CANX: variants seen among roughly 807,000 people sequenced by gnomAD.
CANX encodes epididymis secretory sperm binding protein.
A neutral mutation model predicts 75.7 loss-of-function variants in CANX; 14 were observed. That is an observed-to-expected ratio of 0.19 (90% CI 0.12 to 0.29). CANX has a LOEUF of 0.29. CANX is among the 10% of genes least tolerant of loss of function. The probability of loss-of-function intolerance (pLI) is 1.00; values close to 1 mark genes in which losing one functional copy is unlikely to be tolerated. For missense variants in CANX, 567 were observed against 713.2 expected (o/e 0.79, Z 2.34); for synonymous variants, 227 against 236.9 (o/e 0.96, Z 0.38).
At chr5:179,693,622 G>A (rs920106870), upstream of CANX, among the ~76,000 whole-genome samples, 9 of 151,868 alleles carry the variant, frequency 5.9e-5, no homozygotes, top group Non-Finnish European at 8.8e-5. Flanking sequence ...GCAGTGAGCC[G>A]AGATTGTACA....
chr5:179,722,717 C>T, intron 10 of CANX, 87 bp from the exon 11 acceptor site: 1 of 802,886 alleles, frequency 1.2e-6, no homozygotes, highest in Non-Finnish European at 2.0e-6. Flanking sequence ...CTCCATTGTT[C>T]ATGCAAAATT....
At chr5:179,705,388 G>A (rs542987901) in intron 1 of CANX, among the ~76,000 whole-genome samples, 1 of 152,304 alleles carries the variant, frequency 6.6e-6, no homozygotes, top group African/African-American at 2.4e-5. Context: ...AAAGTTTGTT[G>A]GAAATTGTAT....
chr5:179,711,417 G>A (rs971887707), intron 7 of CANX, among the ~76,000 whole-genome samples: 4 of 152,026 alleles, frequency 2.6e-5, no homozygotes, highest in Admixed American at 2.6e-4. Context: ...GTGAGATGCT[G>A]TCTCAAAAAA....
rs765385174 is a variant in CANX at position 179,731,051 on chromosome 5, G to A, written c.*2407G>A. On this transcript the variant is annotated 3_prime_UTR_variant, in exon 15 of 15. Coordinates refer to ENST00000247461, the MANE Select transcript of CANX (RefSeq NM_001746.4). ...TCACTACTAGGCAGAAACTATTATG[G>A]ACAGTGAAATAATGACTTTTATCTC... 3.3e-5 allele frequency: 5 copies of A among 152,192 alleles called. No individual in the cohort carries two copies. The highest frequency in any genetic ancestry group is 2.0e-4 in the Admixed American group (3 of 15,280). 9.4% of individuals were successfully genotyped at this position (152,192 alleles called of 1,614,324 possible). A position where few individuals can be genotyped will look rare whatever the true frequency, so the allele number is the denominator to read the frequency against.
chr5:179,721,537 G>A (rs1778312604), intron 10 of CANX, among the ~76,000 whole-genome samples: 1 of 152,190 alleles, frequency 6.6e-6, no homozygotes, highest in Admixed American at 6.6e-5. Context: ...TGATGTGGTG[G>A]GTAGAGGACT....
At chr5:179,704,672 C>T (rs1040043918) in intron 1 of CANX, among the ~76,000 whole-genome samples, 1 of 151,958 alleles carries the variant, frequency 6.6e-6, no homozygotes, top group Non-Finnish European at 1.5e-5. Context: ...CCTGTCTATA[C>T]TAAAAGTACA....
intron 1 of CANX, among the ~76,000 whole-genome samples, chr5:179,692,651 C>T (rs1336355864): frequency 6.6e-6 from 1 of 152,054 alleles, no homozygotes; most frequent in Non-Finnish European, 1.5e-5. Context: ...CCTCAGCCTC[C>T]TGAGTAGCTG....
intron 1 of CANX, among the ~76,000 whole-genome samples, chr5:179,703,324 TCTC>T (rs1242249972): frequency 6.6e-6 from 1 of 151,452 alleles, no homozygotes; most frequent in East Asian, 1.9e-4. Flanking sequence ...TTCAAGCGAT[TCTC>T]CTCCCTCAGC....
upstream of CANX, among the ~76,000 whole-genome samples, chr5:179,697,190 A>C (rs1348988150): frequency 2.0e-5 from 3 of 152,006 alleles, no homozygotes; most frequent in Non-Finnish European, 2.9e-5. Context: ...TCTTCCTAGT[A>C]TCTGGGTCTA....
intron 14 of CANX, 23 bp from the exon 15 acceptor site, chr5:179,728,568 A>G (rs1272232949): frequency 4.2e-6 from 6 of 1,422,256 alleles, no homozygotes; most frequent in South Asian, 2.3e-5. Context: ...GCTAATTATA[A>G]TGAATTTCTT....
chr5:179,724,953 G>A (rs942015750), intron 13 of CANX, among the ~76,000 whole-genome samples, 170 bp downstream of exon 13: 5 of 152,054 alleles, frequency 3.3e-5, no homozygotes, highest in Non-Finnish European at 5.9e-5. Flanking sequence ...GGAGTTTAAG[G>A]CTGTAGTCAG....
chr5:179,679,178 G>A (rs1028887613), intron 1 of CANX: 1 of 1,535,140 alleles, frequency 6.5e-7, no homozygotes, highest in Non-Finnish European at 8.7e-7. Context: ...GCTCGAAGGG[G>A]AGCCTCGGGA....
At position 179,730,576 on chromosome 5, in the gene CANX, C is replaced by T. The variant is rs1259543527; in HGVS notation, c.*1932C>T. ...CATGCCTCACTTTCTTCTAGCTGAG[C>T]TTTAAATCATTAGAGCTTAAATTGT... is the stretch of plus-strand genomic sequence containing the variant. On this transcript the variant is annotated 3_prime_UTR_variant, in exon 15 of 15. Transcript: ENST00000247461. The T allele has an allele frequency of 6.6e-6, 1 of 152,192 alleles. No homozygotes were observed. The highest frequency in any genetic ancestry group is 1.5e-5 in the Non-Finnish European group (1 of 68,044). The allele number at this position is 152,192 out of a possible 1,614,324, so 9.4% of individuals were successfully genotyped here. A position where few individuals can be genotyped will look rare whatever the true frequency, so the allele number is the denominator to read the frequency against.
At chr5:179,698,507 C>G, upstream of CANX, 1 of 1,289,408 alleles carries the variant, frequency 7.8e-7, no homozygotes, top group Non-Finnish European at 1.0e-6. Context: ...TCCTGATGGC[C>G]GATCGTCGGA....
chr5:179,712,664 A>G (rs954901794), intron 7 of CANX, among the ~76,000 whole-genome samples: 2 of 148,586 alleles, frequency 1.3e-5, no homozygotes, highest in African/African-American at 5.0e-5. Flanking sequence ...ACGTCAGGTG[A>G]TCTGCCCGCC....
chr5:179,690,264 C>T lies in CANX; in HGVS notation c.-4+11487C>T, dbSNP rs535857926. 8.5e-5 allele frequency among the ~76,000 whole-genome samples: 13 copies of T among 152,286 alleles called. No individual in the cohort carries two copies. In the South Asian group the frequency reaches 2.7e-3, roughly 32 times the overall value. On this transcript the variant is annotated intron_variant, in intron 1 of 14. Transcript: ENST00000681674. The stretch of plus-strand genomic sequence containing the variant: ...CTTCCCTGAAACAACATGGTGTTCT[C>T]TGTGCTAATATAGTTTTAAAAAAGA...
At chr5:179,717,860 C>T (rs1778059270) in intron 8 of CANX, among the ~76,000 whole-genome samples, 1 of 151,690 alleles carries the variant, frequency 6.6e-6, no homozygotes, top group Non-Finnish European at 1.5e-5. Flanking sequence ...GGATCACAAG[C>T]GCATGCCACC....
chr5:179,687,758 G>A (rs896962788), intron 1 of CANX, among the ~76,000 whole-genome samples: 3 of 151,988 alleles, frequency 2.0e-5, no homozygotes, highest in African/African-American at 4.8e-5. Flanking sequence ...TTTCAGCCAC[G>A]CACGGTGGCT....
At chr5:179,723,278 A>G (rs1278077969) in intron 11 of CANX, among the ~76,000 whole-genome samples, 2 of 151,918 alleles carry the variant, frequency 1.3e-5, no homozygotes, top group Non-Finnish European at 2.9e-5. Flanking sequence ...CATTTAGGCT[A>G]TATTTTAATA....
Sources: allele counts gnomAD v4.1 joint callset (sites outside exome capture counted in the v4.1 genomes callset), GRCh38; gene constraint gnomAD v4.1.1; transcripts MANE v1.5; gene names NCBI Gene and HGNC (gene_info 2026-07-23, HGNC 2026-07-21).